Variants in ERCC6L2 observed in about 807,000 individuals in gnomAD.
ERCC6L2 encodes DNA excision repair protein ERCC-6-like 2.
In ERCC6L2, 77 loss-of-function variants were observed where a neutral mutation model predicts 132.0. That is an observed-to-expected ratio of 0.58 (90% CI 0.49 to 0.71). The LOEUF (loss-of-function observed/expected upper bound fraction) is 0.71, where lower values mean the gene tolerates loss of function less well. Ranked by LOEUF, ERCC6L2 falls within the 30% of genes least tolerant of loss-of-function variation. The pLI is 0.00. For synonymous variants in ERCC6L2, 583 were observed against 632.4 expected, an observed-to-expected ratio of 0.92 and a Z score of 1.17; for missense variants, 1,542 against 1,837.6, an observed-to-expected ratio of 0.84 and a Z score of 2.94.
At chr9:95,895,575 T>A (rs1828409366) in intron 2 of ERCC6L2, among the ~76,000 whole-genome samples, 1 of 152,156 alleles carries the variant, frequency 6.6e-6, no homozygotes, top group South Asian at 2.1e-4. Flanking sequence ...TATTCTTCTA[T>A]TAATGATTAC....
At chr9:95,928,302 A>G in intron 10 of ERCC6L2, 152 bp downstream of exon 10, 1 of 491,682 alleles carries the variant, frequency 2.0e-6, no homozygotes, top group Non-Finnish European at 3.5e-6. Context: ...GTTTTTAAAC[A>G]GACACTAAAA....
At chr9:95,994,692 T>C (rs1833415105) in intron 17 of ERCC6L2, among the ~76,000 whole-genome samples, 2 of 152,246 alleles carry the variant, frequency 1.3e-5, no homozygotes, top group Non-Finnish European at 2.9e-5. Context: ...GATTATCAGC[T>C]ATAGCTGTGT....
At chr9:95,907,857 C>CACACACAAACA in intron 4 of ERCC6L2, among the ~76,000 whole-genome samples, 1 of 133,736 alleles carries the variant, frequency 7.5e-6, no homozygotes, top group Non-Finnish European at 1.6e-5. Context: ...ACACACACAC[C>CACACACAAACA]CCCACACCCA....
chr9:95,929,271 C>T (rs975944171), intron 11 of ERCC6L2, among the ~76,000 whole-genome samples: 13 of 152,222 alleles, frequency 8.5e-5, no homozygotes, highest in Admixed American at 6.5e-5. Context: ...TCACGTTTCC[C>T]TCCTCTGCCT....
chr9:95,876,330 G>A, intron 1 of ERCC6L2: 1 of 455,812 alleles, frequency 2.2e-6, no homozygotes, highest in Non-Finnish European at 3.9e-6. Flanking sequence ...ACTTTGGGCA[G>A]GCTCCTCATC....
intron 19 of ERCC6L2, among the ~76,000 whole-genome samples, chr9:96,036,742 A>ATTG (rs1834522774): frequency 8.3e-6 from 1 of 120,372 alleles, no homozygotes; most frequent in Admixed American, 8.8e-5. Flanking sequence ...ATTTTTTTAA[A>ATTG]TTATTATTAT....
intron 4 of ERCC6L2, among the ~76,000 whole-genome samples, chr9:95,914,134 C>T (rs1829467742): frequency 6.6e-6 from 1 of 152,222 alleles, no homozygotes; most frequent in African/African-American, 2.4e-5. Context: ...GGTTTCTCCA[C>T]ATCCTTACCA....
At chr9:95,938,992 A>G (rs1310713397) in intron 11 of ERCC6L2, among the ~76,000 whole-genome samples, 1 of 151,934 alleles carries the variant, frequency 6.6e-6, no homozygotes, top group Non-Finnish European at 1.5e-5. Flanking sequence ...TACATTGTAC[A>G]TAGTAACTTC....
Position 95,875,918 on chromosome 9 carries a change from T to C in ERCC6L2, c.-121T>C, listed in dbSNP as rs1827226009. ...GTGGCTTCGGGTTGCCGAAGAGCGA[T>C]GCTCGGAGGGCGGCCGGAAGTGGCG... On this transcript the variant is annotated 5_prime_UTR_variant, in exon 1 of 19. An upstream start codon of the reference 5' UTR is lost. Coordinates refer to ENST00000653738, the MANE Select transcript of ERCC6L2 (RefSeq NM_020207.7). The C allele has an allele frequency of 1.8e-6, 2 of 1,083,036 alleles. No individual in the cohort carries two copies. Among genetic ancestry groups the C allele is most frequent in the Non-Finnish European group, 2.7e-6 (2 of 743,220 alleles). The allele number at this position is 1,083,036 out of a possible 1,614,324, so 67.1% of individuals were successfully genotyped here.
intron 11 of ERCC6L2, among the ~76,000 whole-genome samples, chr9:95,939,116 C>T (rs1045729590): frequency 2.0e-5 from 3 of 152,052 alleles, no homozygotes; most frequent in African/African-American, 7.2e-5. Flanking sequence ...TAGATATTTC[C>T]TCTACATGCC....
intron 4 of ERCC6L2, among the ~76,000 whole-genome samples, chr9:95,912,986 C>T (rs1274822255): frequency 6.6e-6 from 1 of 152,280 alleles, no homozygotes; most frequent in African/African-American, 2.4e-5. Flanking sequence ...TACCTAATGT[C>T]AGGTTGTTTC....
chr9:95,984,283 T>C (rs1373739604), intron 17 of ERCC6L2, among the ~76,000 whole-genome samples: 1 of 149,318 alleles, frequency 6.7e-6, no homozygotes, highest in African/African-American at 2.4e-5. Flanking sequence ...GTATATGATA[T>C]ACATGTTATA....
chr9:95,970,144 A>G (rs560646531), intron 14 of ERCC6L2, among the ~76,000 whole-genome samples: 84 of 152,294 alleles, frequency 5.5e-4, no homozygotes, highest in African/African-American at 2.0e-3. Context: ...AAATATAGTA[A>G]CAATATAGGC....
intron 19 of ERCC6L2, among the ~76,000 whole-genome samples, chr9:96,037,759 A>C (rs535100114): frequency 1.3e-5 from 2 of 152,290 alleles, no homozygotes; most frequent in Non-Finnish European, 2.9e-5. Flanking sequence ...TCCCACAGAG[A>C]GATCAACAAC....
intron 17 of ERCC6L2, among the ~76,000 whole-genome samples, chr9:95,990,303 T>A (rs1833249458): frequency 1.3e-5 from 2 of 152,228 alleles, no homozygotes. Flanking sequence ...CTCTTGATTA[T>A]CATGGTCAAA....
chr9:95,957,407 CA>C (rs1342119057), intron 13 of ERCC6L2, among the ~76,000 whole-genome samples: 17 of 124,332 alleles, frequency 1.4e-4, no homozygotes, highest in Admixed American at 8.9e-4. Context: ...ATAAACAGTT[CA>C]TTTTTTTTTT....
At chr9:95,891,195 A>G (rs1828142788) in intron 2 of ERCC6L2, among the ~76,000 whole-genome samples, 1 of 152,170 alleles carries the variant, frequency 6.6e-6, no homozygotes. Context: ...CCTGGGCAAC[A>G]AGTGTGTCCC....
intron 12 of ERCC6L2, among the ~76,000 whole-genome samples, chr9:95,944,437 A>G (rs1488474034): frequency 6.6e-6 from 1 of 152,200 alleles, no homozygotes; most frequent in Admixed American, 6.5e-5. Flanking sequence ...AGTTGTAGCA[A>G]TGGATAGTGG....
intron 12 of ERCC6L2, among the ~76,000 whole-genome samples, chr9:95,948,348 A>G (rs537913208): frequency 6.6e-6 from 1 of 152,326 alleles, no homozygotes; most frequent in East Asian, 1.9e-4. Flanking sequence ...AATTGTTGCA[A>G]TCTCATGATA....
Sources: gnomAD v4.1 joint callset for allele counts (sites outside exome capture counted in the v4.1 genomes callset) on GRCh38, gnomAD v4.1.1 for gene constraint, MANE v1.5 for transcripts, NCBI Gene and HGNC (gene_info 2026-07-23, HGNC 2026-07-21) for gene names.